ROBO2: variants seen among roughly 807,000 people sequenced by gnomAD.
ROBO2 encodes the protein roundabout guidance receptor 2, also known as roundabout homolog 2.
A neutral mutation model predicts 160.8 loss-of-function variants in ROBO2; 53 were observed. The observed-to-expected ratio is 0.33, with a 90% CI of 0.26 to 0.41. The LOEUF (loss-of-function observed/expected upper bound fraction) is 0.41, where lower values mean the gene tolerates loss of function less well. Ranked by LOEUF, ROBO2 falls within the 10% of genes least tolerant of loss-of-function variation. The pLI is 1.00. For synonymous variants in ROBO2, 664 were observed against 611.7 expected (o/e 1.09, Z -1.26); for missense variants, 1,577 against 1,722.4 (o/e 0.92, Z 1.49).
At chr3:77,588,372 C>T (rs2094104705) in intron 16 of ROBO2, among the ~76,000 whole-genome samples, 1 of 151,900 alleles carries the variant, frequency 6.6e-6, no homozygotes, top group Non-Finnish European at 1.5e-5. Flanking sequence ...TGCAAATACC[C>T]CATGTTAAAA....
chr3:77,040,428 C>G lies in ROBO2; in HGVS notation c.-358C>G. The G allele has an allele frequency of 2.8e-6, 3 of 1,057,054 alleles. No homozygotes were observed. Among genetic ancestry groups the G allele is most frequent in the Non-Finnish European group, 3.4e-6 (3 of 876,832 alleles). The allele number at this position is 1,057,054 out of a possible 1,614,324, so 65.5% of individuals were successfully genotyped here. ...AGGTCTTTTCCTCCCCCTTCATCAT[C>G]TTGACTTCTGAAGGAAGAACTTGGC... On this transcript the variant is annotated 5_prime_UTR_variant, in exon 1 of 26. In the 5' UTR this introduces an upstream ATG that the reference lacks. Transcript: ENST00000461745.
rs906912281 is a variant in ROBO2, at chr3:76,228,604, C to T, written c.109+291002C>T. Among the ~76,000 whole-genome samples the T allele has an allele frequency of 1.2e-4, 18 of 151,940 alleles. No homozygotes were observed. The South Asian group carries it at 2.9e-3, about 24-fold the overall frequency. On this transcript the variant is annotated intron_variant, in intron 2 of 26. Coordinates refer to the ROBO2 transcript ENST00000487694. ...TCTTATTCTTGTATCTTTAATTCAGCGTTGCAAATCAGAATTTTCATTTGC... is the reference window on the plus strand; with the variant it reads ...TCTTATTCTTGTATCTTTAATTCAGTGTTGCAAATCAGAATTTTCATTTGC...
At chr3:76,201,914 G>C (rs1341819520) in intron 2 of ROBO2, among the ~76,000 whole-genome samples, 1 of 130,322 alleles carries the variant, frequency 7.7e-6, no homozygotes, top group Non-Finnish European at 1.6e-5. Context: ...AAAAAAAAGA[G>C]ATTTAAAGAA....
At chr3:76,384,811 A>G (rs1357786585) in intron 2 of ROBO2, among the ~76,000 whole-genome samples, 2 of 152,164 alleles carry the variant, frequency 1.3e-5, no homozygotes, top group Non-Finnish European at 2.9e-5. Flanking sequence ...CCATGATTCA[A>G]TGACCTCCAA....
intron 2 of ROBO2, among the ~76,000 whole-genome samples, chr3:77,168,797 G>A (rs1348872594): frequency 2.6e-5 from 4 of 152,246 alleles, no homozygotes; most frequent in South Asian, 2.1e-4. Context: ...GCTTTCTACC[G>A]AATGTGAATT....
intron 2 of ROBO2, among the ~76,000 whole-genome samples, chr3:77,376,515 T>C (rs546220215): frequency 1.3e-5 from 2 of 152,264 alleles, no homozygotes; most frequent in African/African-American, 4.8e-5. Context: ...TGATTTTGCA[T>C]TACAGTTAAA....
intron 2 of ROBO2, among the ~76,000 whole-genome samples, chr3:76,048,653 A>G (rs1223352256): frequency 6.6e-6 from 1 of 152,178 alleles, no homozygotes; most frequent in African/African-American, 2.4e-5. Flanking sequence ...TTTTAAGGCG[A>G]TTCATAGGTG....
intron 5 of ROBO2, among the ~76,000 whole-genome samples, chr3:77,500,163 A>G (rs1304224861): frequency 1.3e-5 from 2 of 152,160 alleles, no homozygotes; most frequent in African/African-American, 4.8e-5. Flanking sequence ...TTATAAAAAG[A>G]TGTGTAATGT....
rs531680578 is a variant in ROBO2 at position 75,985,810 on chromosome 3, T to C, written c.109+48208T>C. Among the ~76,000 whole-genome samples, 78 of 151,818 alleles carry C rather than the reference T, an allele frequency of 5.1e-4. 1 individual carries two copies. The Middle Eastern group carries it at 0.017, about 33-fold the overall frequency. On this transcript the variant is annotated intron_variant, in intron 2 of 26. Coordinates refer to the ROBO2 transcript ENST00000487694. ...AATGAAATCATACAGCTTTGTCTTT[T>C]GTTATTGGCTTATTTAATTTAGCAT...
intron 2 of ROBO2, among the ~76,000 whole-genome samples, chr3:77,248,829 A>G (rs1489880787): frequency 2.0e-5 from 3 of 148,770 alleles, no homozygotes; most frequent in Admixed American, 6.7e-5. Context: ...TTTGGAGATC[A>G]CTTGAACATA....
intron 2 of ROBO2, among the ~76,000 whole-genome samples, chr3:76,613,602 A>G (rs1015723591): frequency 3.3e-5 from 5 of 151,872 alleles, no homozygotes; most frequent in African/African-American, 1.2e-4. Flanking sequence ...GAAGACGGTA[A>G]TGTTCATCAT....
At chr3:77,563,389 G>A (rs1440195684) in intron 11 of ROBO2, 60 bp downstream of exon 12, 21 of 1,508,826 alleles carry the variant, frequency 1.4e-5, no homozygotes, top group Non-Finnish European at 1.8e-5. Flanking sequence ...ATTCTAAAAT[G>A]TCACCTGAAC....
chr3:76,493,360 T>TATATATATATATATATATA (rs1431991929), intron 2 of ROBO2, among the ~76,000 whole-genome samples: 27 of 138,924 alleles, frequency 1.9e-4, no homozygotes, highest in African/African-American at 6.0e-4. Flanking sequence ...TATATATATA[T>TATATATATATATATATATA]ATATAATTGT....
intron 2 of ROBO2, among the ~76,000 whole-genome samples, chr3:76,942,002 C>G (rs1215497933): frequency 6.6e-6 from 1 of 152,066 alleles, no homozygotes; most frequent in East Asian, 1.9e-4. Flanking sequence ...ATAAAAGAAA[C>G]AGTGTGACTT....
intron 2 of ROBO2, among the ~76,000 whole-genome samples, chr3:76,740,942 C>G (rs2093792178): frequency 1.3e-5 from 2 of 152,004 alleles, no homozygotes; most frequent in African/African-American, 4.8e-5. Flanking sequence ...CTTGCCTTAT[C>G]TTATCCTTAT....
At chr3:76,997,287 T>C (rs2061072650) in intron 2 of ROBO2, among the ~76,000 whole-genome samples, 1 of 152,228 alleles carries the variant, frequency 6.6e-6, no homozygotes, top group African/African-American at 2.4e-5. Context: ...TGATAGTAGA[T>C]GGATATTTGA....
At chr3:76,530,252 G>A in intron 2 of ROBO2, among the ~76,000 whole-genome samples, 1 of 152,106 alleles carries the variant, frequency 6.6e-6, no homozygotes, top group East Asian at 1.9e-4. Context: ...TTTCCCCCTG[G>A]ACTCCCAGCT....
intron 2 of ROBO2, among the ~76,000 whole-genome samples, chr3:77,361,946 A>G (rs1406851034): frequency 6.6e-6 from 1 of 152,166 alleles, no homozygotes; most frequent in African/African-American, 2.4e-5. Flanking sequence ...GTCAGGTCCT[A>G]AGGGATGAGC....
chr3:77,208,828 A>G (rs1251604762), intron 2 of ROBO2, among the ~76,000 whole-genome samples: 1 of 152,208 alleles, frequency 6.6e-6, no homozygotes. Flanking sequence ...GCAGAAGATG[A>G]GTTCAGAGAG....
Sources: allele counts gnomAD v4.1 joint callset (sites outside exome capture counted in the v4.1 genomes callset), GRCh38; gene constraint gnomAD v4.1.1; transcripts MANE v1.5; gene names NCBI Gene and HGNC (gene_info 2026-07-23, HGNC 2026-07-21).